The following CRX variants were observed in gnomAD, a reference collection of about 807,000 sequenced individuals.
The protein encoded by CRX is cone-rod homeobox.
In CRX, 5 loss-of-function variants were observed where a neutral mutation model predicts 13.1. The ratio of observed to expected loss-of-function variants is 0.38; its 90% CI spans 0.20 to 0.80. The LOEUF (loss-of-function observed/expected upper bound fraction) is 0.80, where lower values mean the gene tolerates loss of function less well. Ranked by LOEUF, CRX falls within the 30% of genes least tolerant of loss-of-function variation. The pLI is 0.43. For missense variants in CRX, 351 were observed against 391.8 expected (o/e 0.90, Z 0.88); for synonymous variants, 179 against 171.1 (o/e 1.05, Z -0.36).
intron 1 of CRX, among the ~76,000 whole-genome samples, chr19:47,833,208 G>A (rs761515475): frequency 7.2e-5 from 11 of 151,822 alleles, no homozygotes; most frequent in Non-Finnish European, 1.5e-4. Flanking sequence ...AAAGTGCTGG[G>A]ATTACAGGTG....
chr19:47,829,620 T>C (rs1337752544), intron 1 of CRX, among the ~76,000 whole-genome samples: 1 of 151,692 alleles, frequency 6.6e-6, no homozygotes, highest in Non-Finnish European at 1.5e-5. Flanking sequence ...CGTGAGCAAC[T>C]GCACCTGGCC....
intron 1 of CRX, among the ~76,000 whole-genome samples, chr19:47,828,551 TAAAC>T (rs900935560): frequency 2.6e-5 from 4 of 151,996 alleles, no homozygotes; most frequent in African/African-American, 9.7e-5. Flanking sequence ...GAGAGATAGA[TAAAC>T]AAACATATAA....
chr19:47,835,252 C>G (rs940732358), intron 2 of CRX, among the ~76,000 whole-genome samples: 9 of 150,590 alleles, frequency 6.0e-5, no homozygotes, highest in African/African-American at 2.2e-4. Flanking sequence ...GAGATTGGGT[C>G]TCCCTATGTT....
At chr19:47,828,924 AC>A (rs1968010400) in intron 1 of CRX, among the ~76,000 whole-genome samples, 1 of 151,544 alleles carries the variant, frequency 6.6e-6, no homozygotes, top group Admixed American at 6.6e-5. Flanking sequence ...ACACACACAC[AC>A]ACACACACAC....
chr19:47,828,494 A>G (rs1256095665), intron 1 of CRX, among the ~76,000 whole-genome samples: 1 of 152,112 alleles, frequency 6.6e-6, no homozygotes, highest in Non-Finnish European at 1.5e-5. Context: ...GCAGGAACCG[A>G]GATATTACCA....
intron 1 of CRX, among the ~76,000 whole-genome samples, chr19:47,832,105 G>GTTTTTGTTTTTTTTTTTTT (rs1555801483): frequency 4.3e-5 from 4 of 91,988 alleles, no homozygotes; most frequent in South Asian, 8.0e-4. Flanking sequence ...GCAGCCTTAT[G>GTTTTTGTTTTTTTTTTTTT]TTTTTTTTTT....
At position 47,835,620 on chromosome 19, in the gene CRX, GTT is replaced by G. The variant is rs34872129; in HGVS notation, c.101-605_101-604del. ...TTTGTAGCATTATTCTTTAGCTCTT[GTT>G]TTTTTTTTTTTTTTTTTCAAGACCG... is the stretch of plus-strand genomic sequence containing the variant. On this transcript the variant is annotated intron_variant, in intron 2 of 3. Transcript: ENST00000221996. Among the ~76,000 whole-genome samples the G allele has an allele frequency of 7.8e-5, 8 of 102,190 alleles. No homozygotes were observed. The South Asian group carries it at 1.7e-3, about 22-fold the overall frequency. The allele number at this position is 102,190 out of a possible 152,430, so 67.0% of individuals were successfully genotyped here. A position where few individuals can be genotyped will look rare whatever the true frequency, so the allele number is the denominator to read the frequency against.
chr19:47,823,043 G>T (rs74346818), intron 1 of CRX, among the ~76,000 whole-genome samples: 8,437 of 152,086 alleles, frequency 0.055, 298 homozygotes, highest in African/African-American at 0.096. Context: ...TGATCAGCCC[G>T]CCTGAGCCTC....
At chr19:47,822,713 C>T (rs1206774533) in intron 1 of CRX, among the ~76,000 whole-genome samples, 2 of 152,242 alleles carry the variant, frequency 1.3e-5, no homozygotes, top group Non-Finnish European at 2.9e-5. Context: ...CCAGGCTCTA[C>T]TTCGGGACTG....
chr19:47,829,685 G>A (rs766119582), intron 1 of CRX, among the ~76,000 whole-genome samples: 28 of 151,520 alleles, frequency 1.8e-4, no homozygotes, highest in Non-Finnish European at 3.5e-4. Flanking sequence ...GCTGGTGTGC[G>A]GTGGCATGCT....
intron 1 of CRX, among the ~76,000 whole-genome samples, chr19:47,831,982 G>A (rs1357427197): frequency 2.0e-5 from 3 of 150,664 alleles, no homozygotes; most frequent in East Asian, 1.9e-4. Flanking sequence ...CAGGTGATCC[G>A]CCTGCTTTGG....
chr19:47,830,789 C>T (rs1370495875), intron 1 of CRX, among the ~76,000 whole-genome samples: 1 of 114,090 alleles, frequency 8.8e-6, no homozygotes, highest in Non-Finnish European at 2.0e-5. Flanking sequence ...GAACAAGACT[C>T]CATTAAAAAA....
Position 47,841,787 on chromosome 19 carries a change from C to A in CRX, c.*1820C>A, listed in dbSNP as rs1329429835. 1 of 151,734 alleles carries A rather than the reference C, an allele frequency of 6.6e-6. No individual in the cohort carries two copies. Among genetic ancestry groups the A allele is most frequent in the Non-Finnish European group, 1.5e-5 (1 of 67,980 alleles). 9.4% of individuals were successfully genotyped at this position (151,734 alleles called of 1,614,324 possible). A position where few individuals can be genotyped will look rare whatever the true frequency, so the allele number is the denominator to read the frequency against. On this transcript the variant is annotated 3_prime_UTR_variant, in exon 4 of 4. Transcript: ENST00000221996. Reference sequence around the variant, plus strand: ...GGTCCCTGCCTTCTCAGTCCGAGTTCTCCTTTCATTTTTGGGTGGGGAGGC... The same window carrying A: ...GGTCCCTGCCTTCTCAGTCCGAGTTATCCTTTCATTTTTGGGTGGGGAGGC...
rs375770558 is a variant in CRX, at chr19:47,839,973, G to A, written c.*6G>A. ...GGAAGTTTCAGATCTTGTAGAGGAC[G>A]CAGTCTCCATCTCTCTCCATCGGGC... is the stretch of plus-strand genomic sequence containing the variant. On this transcript the variant is annotated 3_prime_UTR_variant, in exon 4 of 4. Transcript: ENST00000221996. The surrounding 1 kb of genome is among the most constrained non-coding windows in gnomAD (Gnocchi z 4.6). The A allele has an allele frequency of 1.1e-4, 174 of 1,612,534 alleles. 1 individual carries two copies. Among genetic ancestry groups the A allele is most frequent in the Non-Finnish European group, 2.4e-5 (28 of 1,179,900 alleles).
intron 1 of CRX, among the ~76,000 whole-genome samples, chr19:47,829,826 C>T (rs12985036): frequency 0.16 from 23,150 of 147,240 alleles, 2,238 homozygotes; most frequent in Non-Finnish European, 0.21. Context: ...GTGGAGACAG[C>T]GTTTTGCCAT....
chr19:47,840,703 CT>C lies in CRX; in HGVS notation c.*756del, dbSNP rs60558029. The C allele has an allele frequency of 0.039, 3,822 of 97,048 alleles. 102 individuals carry two copies. The highest frequency in any genetic ancestry group is 0.082 in the African/African-American group (1,989 of 24,160). 6.0% of individuals were successfully genotyped at this position (97,048 alleles called of 1,614,324 possible). ...CAGGCGTGAGCCACCGCGCCCGGCC[CT>C]TTTTTTTTTTTTTTTTTTTAATTGA... On this transcript the variant is annotated 3_prime_UTR_variant, in exon 4 of 4. Coordinates refer to ENST00000221996, the MANE Select transcript of CRX (RefSeq NM_000554.6).
chr19:47,839,678 C>G lies in CRX; in HGVS notation c.611C>G (p.Ser204Cys). 1 of 1,613,804 alleles carries G rather than the reference C, an allele frequency of 6.2e-7. No homozygotes were observed. Among genetic ancestry groups the G allele is most frequent in the Non-Finnish European group, 8.5e-7 (1 of 1,180,006 alleles). Residue 204 changes from serine to cysteine, a missense_variant, in exon 4 of 4, where the codon TCC (serine) becomes TGC (cysteine). This residue lies in a region of CRX where 253 missense variants were observed against 268.3 expected (regional missense o/e 0.94). Transcript: ENST00000221996. This position sits in a 1 kb window ranked among gnomAD's most constrained non-coding sequence, Gnocchi z 4.6. ...GCCCCGGCCTCCGCTTTCTGCTCTT[C>G]CCCCTCCGCCTATGGGTCTCCGAGC... is the stretch of plus-strand genomic sequence containing the variant. ...TYAPASAFCS[S>C]PSAYGSPSSY... is the part of the protein sequence containing the mutation.
At chr19:47,835,620 G>GTTTTTTTTTTTTTTTTTT (rs34872129) in intron 2 of CRX, among the ~76,000 whole-genome samples, 9 of 102,196 alleles carry the variant, frequency 8.8e-5, no homozygotes, top group African/African-American at 3.3e-4. Flanking sequence ...TTTAGCTCTT[G>GTTTTTTTTTTTTTTTTTT]TTTTTTTTTT....
chr19:47,834,573 A>T (rs371137209), intron 2 of CRX, 30 bp downstream of exon 2: 75 of 1,585,722 alleles, frequency 4.7e-5, no homozygotes, highest in Non-Finnish European at 6.3e-5. Flanking sequence ...TTGGCACCCC[A>T]GGCTGGCCTC....
Sources: allele counts gnomAD v4.1 joint callset (sites outside exome capture counted in the v4.1 genomes callset), GRCh38; gene constraint gnomAD v4.1.1; regional missense constraint gnomAD v4.1.1; non-coding constraint Gnocchi (gnomAD v3.1); transcripts MANE v1.5; gene names NCBI Gene and HGNC (gene_info 2026-07-23, HGNC 2026-07-21).